The following EIPR1 variants were observed in gnomAD, a reference collection of about 807,000 sequenced individuals.
EIPR1 encodes EARP complex and GARP complex interacting protein 1.
EIPR1 carries 25 observed loss-of-function variants against 48.1 expected under a neutral mutation model. That is an observed-to-expected ratio of 0.52 (90% confidence interval 0.38 to 0.73). The LOEUF (loss-of-function observed/expected upper bound fraction) is 0.73, where lower values mean the gene tolerates loss of function less well. Among genes scored for constraint, EIPR1 ranks in the 30% least tolerant of loss-of-function variants. The pLI, the probability that EIPR1 is intolerant of heterozygous loss-of-function variation, is 0.00. For synonymous variants in EIPR1, 204 were observed against 201.9 expected, an observed-to-expected ratio of 1.01 and a Z score of -0.09; for missense variants, 415 against 506.2, an observed-to-expected ratio of 0.82 and a Z score of 1.73.
At chr2:3,194,989 G>T (rs926134624) in intron 6 of EIPR1, among the ~76,000 whole-genome samples, 1 of 152,236 alleles carries the variant, frequency 6.6e-6, no homozygotes, top group African/African-American at 2.4e-5. Context: ...GCATCTGTGT[G>T]CACGCCCACA....
intron 3 of EIPR1, among the ~76,000 whole-genome samples, chr2:3,329,071 A>G (rs1182825618): frequency 1.2e-5 from 1 of 85,284 alleles, no homozygotes; most frequent in East Asian, 4.8e-4. Flanking sequence ...ATCTCAGGGC[A>G]CCAGCCAGGC....
intron 2 of EIPR1, among the ~76,000 whole-genome samples, chr2:3,351,555 G>T (rs1670578779): frequency 6.6e-6 from 1 of 152,080 alleles, no homozygotes; most frequent in Non-Finnish European, 1.5e-5. Flanking sequence ...CTCCCATGTG[G>T]GTTTTACTCC....
chr2:3,215,216 G>T (rs565247116), intron 4 of EIPR1, among the ~76,000 whole-genome samples: 50 of 152,222 alleles, frequency 3.3e-4, no homozygotes, highest in Non-Finnish European at 5.9e-4. Context: ...GGAGGCCTGT[G>T]GGGGCTGGAG....
At chr2:3,319,290 A>C in intron 3 of EIPR1, 1 of 263,830 alleles carries the variant, frequency 3.8e-6, no homozygotes, top group South Asian at 4.1e-5. Flanking sequence ...GTGTGCTCCT[A>C]ATTAGCGCTG....
intron 3 of EIPR1, among the ~76,000 whole-genome samples, chr2:3,283,504 G>A (rs778246791): frequency 2.2e-4 from 33 of 151,898 alleles, no homozygotes; most frequent in Non-Finnish European, 4.0e-4. Context: ...GACTGAGAAG[G>A]AGCTCACGCC....
At chr2:3,297,925 T>C (rs896077779) in intron 3 of EIPR1, among the ~76,000 whole-genome samples, 1 of 152,126 alleles carries the variant, frequency 6.6e-6, no homozygotes, top group Non-Finnish European at 1.5e-5. Context: ...GGGTTCAGCT[T>C]TGTCTTGCTT....
intron 3 of EIPR1, among the ~76,000 whole-genome samples, chr2:3,260,121 TA>T (rs1413287744): frequency 6.6e-6 from 1 of 152,144 alleles, no homozygotes; most frequent in East Asian, 1.9e-4. Context: ...AAGACCCTAT[TA>T]ATTGGACTTC....
intron 2 of EIPR1, among the ~76,000 whole-genome samples, chr2:3,354,306 C>T: frequency 6.6e-6 from 1 of 152,244 alleles, no homozygotes; most frequent in East Asian, 1.9e-4. Context: ...TATATAACCA[C>T]AAGAGCCAAA....
At chr2:3,340,569 A>T (rs1437505120) in intron 2 of EIPR1, among the ~76,000 whole-genome samples, 1 of 152,242 alleles carries the variant, frequency 6.6e-6, no homozygotes, top group Non-Finnish European at 1.5e-5. Context: ...ACTTATGAAC[A>T]GTTTTTTCCT....
At chr2:3,254,461 G>T (rs1326962356) in intron 4 of EIPR1, among the ~76,000 whole-genome samples, 1 of 152,190 alleles carries the variant, frequency 6.6e-6, no homozygotes, top group Non-Finnish European at 1.5e-5. Context: ...AACAAACCGT[G>T]GTGCGTCATG....
chr2:3,242,080 C>T (rs1666647363), intron 4 of EIPR1, among the ~76,000 whole-genome samples: 2 of 152,208 alleles, frequency 1.3e-5, no homozygotes, highest in Non-Finnish European at 2.9e-5. Flanking sequence ...AGGCACAGCT[C>T]CTAACAGAAC....
At chr2:3,194,701 G>GGGC (rs201120456) in intron 6 of EIPR1, among the ~76,000 whole-genome samples, 1,537 of 151,950 alleles carry the variant, frequency 0.01, 30 homozygotes, top group African/African-American at 0.035. Flanking sequence ...GAGAAAGGGG[G>GGGC]GGGCAGTGGG....
At chr2:3,351,160 C>T (rs1670566214) in intron 2 of EIPR1, among the ~76,000 whole-genome samples, 1 of 152,008 alleles carries the variant, frequency 6.6e-6, no homozygotes, top group Admixed American at 6.6e-5. Context: ...GCCACCACAC[C>T]CAGCTAATTT....
chr2:3,304,248 C>T (rs1009462479), intron 3 of EIPR1, among the ~76,000 whole-genome samples: 4 of 152,182 alleles, frequency 2.6e-5, no homozygotes, highest in African/African-American at 9.7e-5. Context: ...CTGGCGAGAT[C>T]GGAGTTGAGA....
intron 4 of EIPR1, among the ~76,000 whole-genome samples, chr2:3,241,897 G>T (rs1302066049): frequency 3.3e-5 from 5 of 152,192 alleles, no homozygotes; most frequent in Non-Finnish European, 5.9e-5. Flanking sequence ...ATTCTAAAAT[G>T]AGTGATTCAC....
chr2:3,338,971 T>A (rs1245760720), intron 2 of EIPR1, among the ~76,000 whole-genome samples: 2 of 152,080 alleles, frequency 1.3e-5, no homozygotes, highest in Non-Finnish European at 2.9e-5. Context: ...TACTATGGCA[T>A]TGATTATTGA....
intron 4 of EIPR1, among the ~76,000 whole-genome samples, chr2:3,248,156 A>G (rs1055957372): frequency 1.3e-5 from 2 of 152,164 alleles, no homozygotes; most frequent in African/African-American, 4.8e-5. Flanking sequence ...GATGTTTAAA[A>G]GAGTCTGGGG....
chr2:3,297,233 C>T (rs1036753265), intron 3 of EIPR1, among the ~76,000 whole-genome samples: 3 of 152,104 alleles, frequency 2.0e-5, no homozygotes, highest in South Asian at 2.1e-4. Context: ...AATCCGACTA[C>T]GGAATAAAGA....
chr2:3,192,384 C>A, intron 8 of EIPR1, 30 bp downstream of exon 8: 1 of 1,567,996 alleles, frequency 6.4e-7, no homozygotes, highest in South Asian at 1.2e-5. Flanking sequence ...TCTGGTACAG[C>A]GTGAGCCACT....
Sources: allele counts gnomAD v4.1 joint callset (sites outside exome capture counted in the v4.1 genomes callset), GRCh38; gene constraint gnomAD v4.1.1; transcripts MANE v1.5; gene names NCBI Gene and HGNC (gene_info 2026-07-23, HGNC 2026-07-21).